The following FYB1 variants were observed in gnomAD, a reference collection of about 807,000 sequenced individuals.
FYB1 encodes the protein FYN-binding protein 1.
In FYB1, 41 loss-of-function variants were observed where a neutral mutation model predicts 94.1. The observed-to-expected ratio is 0.44, with a 90% CI of 0.34 to 0.57. The LOEUF (loss-of-function observed/expected upper bound fraction) is 0.57, where lower values mean the gene tolerates loss of function less well. FYB1 is among the 20% of genes least tolerant of loss of function. The pLI is 0.02. For missense variants in FYB1, 1,050 were observed against 976.8 expected (o/e 1.07, Z -1.00); for synonymous variants, 367 against 353.2 (o/e 1.04, Z -0.44).
At position 39,190,797 on chromosome 5, in the gene FYB1, A is replaced by T. The variant is rs866085075; in HGVS notation, c.1135+11029T>A. 3.2e-3 allele frequency among the ~76,000 whole-genome samples: 115 copies of T among 35,774 alleles called. No homozygotes were observed. In the Middle Eastern group the frequency reaches 0.052, roughly 16 times the overall value. The allele number at this position is 35,774 out of a possible 152,430, so 23.5% of individuals were successfully genotyped here. ...GTGTGTGTGTGTGTGTGTGTGAGAG[A>T]GAGATGTTGGCTTTGTTACACACAT... On this transcript the variant is annotated intron_variant, in intron 2 of 18. Coordinates refer to ENST00000512982, the MANE Select transcript of FYB1 (RefSeq NM_001465.6).
chr5:39,247,554 C>G (rs1751534111), intron 1 of FYB1, among the ~76,000 whole-genome samples: 1 of 151,924 alleles, frequency 6.6e-6, no homozygotes. Flanking sequence ...ATGATAAGGA[C>G]TATAATTTAA....
intron 1 of FYB1, among the ~76,000 whole-genome samples, chr5:39,252,007 T>C (rs1252973449): frequency 1.3e-5 from 2 of 151,768 alleles, no homozygotes; most frequent in African/African-American, 2.4e-5. Context: ...TAGCCTGGAG[T>C]GGTGGCGGGC....
At chr5:39,252,871 G>A (rs1353266141) in intron 1 of FYB1, among the ~76,000 whole-genome samples, 1 of 152,110 alleles carries the variant, frequency 6.6e-6, no homozygotes, top group African/African-American at 2.4e-5. Context: ...CCTCATCCAG[G>A]GTTGCTGCAA....
chr5:39,156,390 T>G (rs148647308), intron 2 of FYB1, among the ~76,000 whole-genome samples: 1 of 152,292 alleles, frequency 6.6e-6, no homozygotes, highest in Non-Finnish European at 1.5e-5. Context: ...CCAGCAGCAG[T>G]CTTGCCACTG....
chr5:39,122,585 A>C (rs976726140), intron 13 of FYB1, among the ~76,000 whole-genome samples, 183 bp from the exon 14 acceptor site: 1 of 152,128 alleles, frequency 6.6e-6, no homozygotes, highest in African/African-American at 2.4e-5. Flanking sequence ...ATTATTTGCC[A>C]GGATGCATGT....
intron 2 of FYB1, among the ~76,000 whole-genome samples, chr5:39,183,667 C>T (rs1165331911): frequency 1.3e-5 from 2 of 152,162 alleles, no homozygotes; most frequent in Non-Finnish European, 2.9e-5. Context: ...AAATGAGTTT[C>T]TATAACAACT....
At chr5:39,120,034 A>C (rs1042538953) in intron 14 of FYB1, among the ~76,000 whole-genome samples, 10 of 152,326 alleles carry the variant, frequency 6.6e-5, no homozygotes, top group Admixed American at 5.9e-4. Context: ...TTAAAAAAGA[A>C]GAGTTCAAAA....
intron 9 of FYB1, among the ~76,000 whole-genome samples, chr5:39,131,029 T>C (rs1259227482): frequency 6.6e-6 from 1 of 152,152 alleles, no homozygotes; most frequent in South Asian, 2.1e-4. Context: ...CAATATCTTT[T>C]GACCACAGCA....
chr5:39,182,845 T>C (rs961070786), intron 2 of FYB1, among the ~76,000 whole-genome samples: 2 of 152,246 alleles, frequency 1.3e-5, no homozygotes, highest in African/African-American at 4.8e-5. Flanking sequence ...TTTGTTGTTA[T>C]TATTAATTTT....
chr5:39,171,540 A>G (rs555807583), intron 2 of FYB1, among the ~76,000 whole-genome samples: 76 of 152,304 alleles, frequency 5.0e-4, no homozygotes, highest in African/African-American at 1.8e-3. Context: ...AATCACTGAT[A>G]TAAAATAAAT....
rs570297642 is a variant in FYB1 at position 39,107,480 on chromosome 5, T to A, written c.2468-15A>T. 2 of 1,502,346 alleles carry A rather than the reference T, an allele frequency of 1.3e-6. No homozygotes were observed. Among genetic ancestry groups the A allele is most frequent in the African/African-American group, 1.4e-5 (1 of 71,700 alleles). The allele number at this position is 1,502,346 out of a possible 1,614,324, so 93.1% of individuals were successfully genotyped here. A position where few individuals can be genotyped will look rare whatever the true frequency, so the allele number is the denominator to read the frequency against. On this transcript the variant is annotated splice_polypyrimidine_tract_variant and intron_variant, in intron 18 of 18. Transcript: ENST00000512982. ...ATAGATGCAGCCTGAAAGGAAAAAATACAAATTTAAATATAGTTATTAAAA... is the reference window on the plus strand; with the variant it reads ...ATAGATGCAGCCTGAAAGGAAAAAAAACAAATTTAAATATAGTTATTAAAA...
At chr5:39,137,375 G>C (rs1051508946) in intron 7 of FYB1, 4 of 364,924 alleles carry the variant, frequency 1.1e-5, no homozygotes, top group Non-Finnish European at 2.0e-5. Context: ...AATTTCCTGG[G>C]TGTCCACTAA....
At chr5:39,153,663 T>G (rs901590606) in intron 2 of FYB1, 59 bp from the exon 3 acceptor site, 2 of 1,506,320 alleles carry the variant, frequency 1.3e-6, no homozygotes, top group African/African-American at 2.8e-5. Flanking sequence ...AGAAGATTGT[T>G]AATTGCAAAC....
chr5:39,122,917 C>G (rs1173744572), intron 13 of FYB1, among the ~76,000 whole-genome samples: 1 of 152,080 alleles, frequency 6.6e-6, no homozygotes, highest in Non-Finnish European at 1.5e-5. Context: ...AGGAGTGGCA[C>G]CACCTTTAAA....
intron 1 of FYB1, among the ~76,000 whole-genome samples, chr5:39,242,433 T>C (rs1751255086): frequency 6.6e-6 from 1 of 152,164 alleles, no homozygotes; most frequent in East Asian, 1.9e-4. Flanking sequence ...AATGATGGTT[T>C]CCAGCTTCAT....
intron 2 of FYB1, among the ~76,000 whole-genome samples, chr5:39,201,433 C>T (rs1038166188): frequency 1.3e-5 from 2 of 152,190 alleles, no homozygotes; most frequent in Non-Finnish European, 2.9e-5. Flanking sequence ...TTGGGAACTG[C>T]TGACCTACAG....
At chr5:39,206,396 T>C (rs760691735) in intron 1 of FYB1, among the ~76,000 whole-genome samples, 20 of 152,252 alleles carry the variant, frequency 1.3e-4, no homozygotes, top group Non-Finnish European at 2.1e-4. Flanking sequence ...TAGGTAGTTT[T>C]TTTCTTTAAG....
intron 2 of FYB1, among the ~76,000 whole-genome samples, chr5:39,159,985 T>C (rs1036072431): frequency 1.3e-5 from 2 of 152,210 alleles, no homozygotes; most frequent in Non-Finnish European, 2.9e-5. Flanking sequence ...GCTGATTTTG[T>C]TCCTCTTCTT....
chr5:39,196,719 T>A (rs1282038505), intron 2 of FYB1, among the ~76,000 whole-genome samples: 1 of 152,210 alleles, frequency 6.6e-6, no homozygotes, highest in Non-Finnish European at 1.5e-5. Context: ...CTTGATTCAT[T>A]GTCTTGTGAT....
Sources: allele counts gnomAD v4.1 joint callset (sites outside exome capture counted in the v4.1 genomes callset), GRCh38; gene constraint gnomAD v4.1.1; transcripts MANE v1.5; gene names NCBI Gene and HGNC (gene_info 2026-07-23, HGNC 2026-07-21).